Variants in FHIP1A observed in about 807,000 individuals in gnomAD.
FHIP1A encodes the protein FHF complex subunit HOOK interacting protein 1A.
Under a neutral mutation model 88.6 loss-of-function variants are expected in FHIP1A, and 61 were observed. The ratio of observed to expected loss-of-function variants is 0.69; its 90% CI spans 0.56 to 0.85. The LOEUF is 0.85. Ranked by LOEUF, FHIP1A falls within the 40% of genes least tolerant of loss-of-function variation. FHIP1A has a pLI of 0.00. For missense variants in FHIP1A, 1,154 were observed against 1,273.5 expected, an observed-to-expected ratio of 0.91 and a Z score of 1.43; for synonymous variants, 478 against 496.0, an observed-to-expected ratio of 0.96 and a Z score of 0.48.
chr4:151,415,251 A>G (rs1348965253), intron 1 of FHIP1A, among the ~76,000 whole-genome samples: 3 of 151,572 alleles, frequency 2.0e-5, no homozygotes, highest in East Asian at 1.9e-4. Context: ...CAGTGGTGCA[A>G]TGTCAGCTCA....
chr4:151,605,500 C>A (rs1677617298), intron 7 of FHIP1A, among the ~76,000 whole-genome samples: 1 of 152,182 alleles, frequency 6.6e-6, no homozygotes, highest in African/African-American at 2.4e-5. Context: ...TTTCATTCAA[C>A]AAATTATTCC....
chr4:151,639,812 A>G (rs1403195089), intron 9 of FHIP1A, among the ~76,000 whole-genome samples: 1 of 152,206 alleles, frequency 6.6e-6, no homozygotes, highest in Non-Finnish European at 1.5e-5. Flanking sequence ...AGGGTCCTCC[A>G]GCATGCGCTC....
intron 7 of FHIP1A, among the ~76,000 whole-genome samples, chr4:151,591,752 C>T (rs1006479535): frequency 1.3e-5 from 2 of 152,152 alleles, no homozygotes; most frequent in Non-Finnish European, 2.9e-5. Context: ...TTTCCAGCTT[C>T]ATCCATGTCC....
chr4:151,576,168 A>G (rs1231523964), intron 4 of FHIP1A, among the ~76,000 whole-genome samples: 1 of 152,208 alleles, frequency 6.6e-6, no homozygotes, highest in Non-Finnish European at 1.5e-5. Context: ...TGGCAGAGAA[A>G]GGTGAGAAAC....
At chr4:151,654,067 G>A (rs1737137430) in intron 11 of FHIP1A, among the ~76,000 whole-genome samples, 2 of 149,206 alleles carry the variant, frequency 1.3e-5, no homozygotes, top group Non-Finnish European at 3.0e-5. Flanking sequence ...TTTTTGTTAA[G>A]CAGGGTTTTT....
intron 5 of FHIP1A, among the ~76,000 whole-genome samples, chr4:151,581,878 T>C (rs944733663): frequency 2.6e-5 from 4 of 152,222 alleles, no homozygotes; most frequent in South Asian, 2.1e-4. Context: ...ACTGTTATAG[T>C]TGATAGGAAG....
chr4:151,624,606 G>A (rs1735881299), intron 7 of FHIP1A, among the ~76,000 whole-genome samples: 1 of 152,150 alleles, frequency 6.6e-6, no homozygotes, highest in East Asian at 1.9e-4. Context: ...GGCAGAGATT[G>A]GCTTTTATTT....
intron 7 of FHIP1A, among the ~76,000 whole-genome samples, chr4:151,610,458 A>G (rs1425014771): frequency 6.6e-6 from 1 of 152,210 alleles, no homozygotes; most frequent in Non-Finnish European, 1.5e-5. Context: ...ACAGGTAGAG[A>G]ATTGTAGAAA....
At chr4:151,595,632 G>A (rs1443730279) in intron 7 of FHIP1A, among the ~76,000 whole-genome samples, 1 of 152,170 alleles carries the variant, frequency 6.6e-6, no homozygotes, top group Non-Finnish European at 1.5e-5. Flanking sequence ...GGGTGTTAAA[G>A]TCTCCCGCTA....
At chr4:151,450,611 C>G (rs191889357) in intron 1 of FHIP1A, among the ~76,000 whole-genome samples, 51 of 152,300 alleles carry the variant, frequency 3.3e-4, no homozygotes, top group Admixed American at 2.6e-3. Flanking sequence ...AGTAATACCA[C>G]TGTTAGGCCA....
At chr4:151,647,315 A>T (rs1736835364) in intron 10 of FHIP1A, among the ~76,000 whole-genome samples, 1 of 152,218 alleles carries the variant, frequency 6.6e-6, no homozygotes, top group Admixed American at 6.5e-5. Flanking sequence ...TGAAATGGCC[A>T]TCTCTGTCAA....
chr4:151,552,117 C>G (rs1732759829), intron 3 of FHIP1A, among the ~76,000 whole-genome samples: 1 of 152,192 alleles, frequency 6.6e-6, no homozygotes, highest in Non-Finnish European at 1.5e-5. Context: ...CAAATCAAAA[C>G]CACGTAAGAT....
rs139474670 is a variant in FHIP1A, at chr4:151,437,414, T to C, written c.-355-17287T>C. Among the ~76,000 whole-genome samples, 1,404 of 152,178 alleles carry C rather than the reference T, an allele frequency of 9.2e-3. 19 individuals carry two copies. Among genetic ancestry groups the C allele is most frequent in the African/African-American group, 0.032 (1,315 of 41,524 alleles). ...TCCTCTGTATCATATCTAAATATATTGCTTTGTTGAAATAGGGAACCTGGG... is the reference window on the plus strand; with the variant it reads ...TCCTCTGTATCATATCTAAATATATCGCTTTGTTGAAATAGGGAACCTGGG... On this transcript the variant is annotated intron_variant, in intron 1 of 13. Transcript: ENST00000435205.
intron 3 of FHIP1A, among the ~76,000 whole-genome samples, chr4:151,552,558 G>C (rs909214613): frequency 2.0e-5 from 3 of 152,010 alleles, no homozygotes; most frequent in Admixed American, 1.3e-4. Flanking sequence ...CCATCATTCT[G>C]AGCAAACTAT....
rs1331716033 is a variant in FHIP1A at position 151,577,701 on chromosome 4, A to G, written c.357A>G (p.Leu119=). 3.9e-6 allele frequency: 6 copies of G among 1,551,634 alleles called. No homozygotes were observed. Among genetic ancestry groups the G allele is most frequent in the South Asian group, 2.4e-5 (2 of 84,038 alleles). ...CTGATGAGACTAAAATTGAGCAGCT[A>G]AAGATGTATGAGATGTTGGTCACCC... The part of the protein sequence containing the change: ...EFTDETKIEQ[L]KMYEMLVTQS... The change falls in exon 5 of 14, where the codon CTA becomes CTG. Residue 119 remains leucine (L), a synonymous_variant. Coordinates refer to ENST00000435205, the MANE Select transcript of FHIP1A (RefSeq NM_001109977.3).
intron 1 of FHIP1A, among the ~76,000 whole-genome samples, chr4:151,409,689 A>G (rs1294688596): frequency 1.3e-5 from 2 of 151,898 alleles, no homozygotes; most frequent in African/African-American, 4.8e-5. Flanking sequence ...GGTGACTTCT[A>G]GGGTTTCGGG....
At chr4:151,657,296 T>C (rs573920037) in intron 13 of FHIP1A, among the ~76,000 whole-genome samples, 7 of 152,338 alleles carry the variant, frequency 4.6e-5, no homozygotes, top group African/African-American at 1.7e-4. Context: ...CTCTTTATTA[T>C]GTTTTCAGAG....
chr4:151,424,905 G>T (rs1733305354), intron 1 of FHIP1A, among the ~76,000 whole-genome samples: 1 of 151,830 alleles, frequency 6.6e-6, no homozygotes, highest in African/African-American at 2.4e-5. Context: ...CGCAAAATGA[G>T]TGATACAAAT....
At chr4:151,638,466 A>G (rs1354905253) in intron 8 of FHIP1A, among the ~76,000 whole-genome samples, 2 of 152,036 alleles carry the variant, frequency 1.3e-5, no homozygotes, top group Non-Finnish European at 2.9e-5. Flanking sequence ...GCACAGTGGC[A>G]TAATTCCAGA....
Sources: allele counts gnomAD v4.1 joint callset (sites outside exome capture counted in the v4.1 genomes callset), GRCh38; gene constraint gnomAD v4.1.1; transcripts MANE v1.5; gene names NCBI Gene and HGNC (gene_info 2026-07-23, HGNC 2026-07-21).